Variants in GALNT9 observed in about 807,000 individuals in gnomAD.
GALNT9 encodes polypeptide N-acetylgalactosaminyltransferase 9.
In GALNT9, 47 loss-of-function variants were observed where a neutral mutation model predicts 63.1. The observed-to-expected ratio is 0.75, with a 90% CI of 0.59 to 0.95. The LOEUF (loss-of-function observed/expected upper bound fraction) is 0.95, where lower values mean the gene tolerates loss of function less well. GALNT9 is among the 40% of genes least tolerant of loss of function. GALNT9 has a pLI of 0.00. For synonymous variants in GALNT9, 396 were observed against 365.7 expected (o/e 1.08, Z -0.94); for missense variants, 829 against 874.8 (o/e 0.95, Z 0.66).
At chr12:132,220,944 G>A (rs147130091) in intron 6 of GALNT9, among the ~76,000 whole-genome samples, 210 of 150,400 alleles carry the variant, frequency 1.4e-3, no homozygotes, top group Non-Finnish European at 2.5e-3. Flanking sequence ...GTAATCCCAG[G>A]TACTCGGGAG....
intron 5 of GALNT9, among the ~76,000 whole-genome samples, chr12:132,257,364 G>A (rs868996384): frequency 2.0e-4 from 30 of 151,844 alleles, no homozygotes; most frequent in East Asian, 1.4e-3. Context: ...CCCAGCACCC[G>A]GCCCGACACT....
At chr12:132,202,168 A>C (rs1398986005) in intron 7 of GALNT9, among the ~76,000 whole-genome samples, 2 of 152,232 alleles carry the variant, frequency 1.3e-5, no homozygotes, top group African/African-American at 4.8e-5. Flanking sequence ...TTAATCAGCC[A>C]AGGGGCTCAC....
chr12:132,306,438 G>T (rs1459054898), intron 1 of GALNT9, among the ~76,000 whole-genome samples: 1 of 152,228 alleles, frequency 6.6e-6, no homozygotes, highest in Non-Finnish European at 1.5e-5. Flanking sequence ...GCCTGTTGGG[G>T]GTGGTTCTCC....
At chr12:132,255,395 G>A (rs1879070646) in intron 5 of GALNT9, among the ~76,000 whole-genome samples, 1 of 152,202 alleles carries the variant, frequency 6.6e-6, no homozygotes, top group Admixed American at 6.5e-5. Context: ...ATTCTGTAGA[G>A]ACTTCCCTTT....
intron 10 of GALNT9, 113 bp downstream of exon 10, chr12:132,197,679 C>CT: frequency 1.2e-6 from 1 of 809,848 alleles, no homozygotes; most frequent in South Asian, 1.7e-5. Flanking sequence ...TGACCACCCC[C>CT]TGCCGCACTC....
chr12:132,311,226 T>C (rs1236944149), intron 1 of GALNT9, among the ~76,000 whole-genome samples: 2 of 152,158 alleles, frequency 1.3e-5, no homozygotes, highest in African/African-American at 4.8e-5. Flanking sequence ...TACTGTGACT[T>C]TGACATTTCA....
chr12:132,286,093 C>A lies in GALNT9; in HGVS notation c.419+157G>T, dbSNP rs1394261088. ...TCCCGGCCAGCGTGGGGGGCGGTCA[C>A]TTCCCCGGCGGGCGTGGGGGGCGGT... On this transcript the variant is annotated intron_variant, in intron 2 of 10. Transcript: ENST00000328957. The surrounding 1 kb of genome is among the most constrained non-coding windows in gnomAD (Gnocchi z 7.4). Among the ~76,000 whole-genome samples the A allele has an allele frequency of 6.7e-6, 1 of 149,926 alleles. No individual in the cohort carries two copies. The highest frequency in any genetic ancestry group is 1.5e-5 in the Non-Finnish European group (1 of 66,538).
intron 1 of GALNT9, among the ~76,000 whole-genome samples, chr12:132,305,011 A>G (rs1432352754): frequency 5.0e-5 from 1 of 19,946 alleles, no homozygotes; most frequent in Non-Finnish European, 9.0e-5. Flanking sequence ...GCACATCCTC[A>G]CCGGGGCACA....
chr12:132,279,725 GAGA>G lies in GALNT9; in HGVS notation c.419+6522_419+6524del, dbSNP rs782531577. On this transcript the variant is annotated intron_variant, in intron 2 of 10. Coordinates refer to ENST00000328957, the MANE Select transcript of GALNT9 (RefSeq NM_001122636.2). The surrounding 1 kb of genome is among the most constrained non-coding windows in gnomAD (Gnocchi z 4.1). ...CACCCCTGTCCCTTCAGGCCGTGGG[GAGA>G]AGAACATCCCAGTGCGGTCACTTCC... 2.0e-5 allele frequency: 3 copies of G among 152,356 alleles called. No individual in the cohort carries two copies. The highest frequency in any genetic ancestry group is 4.4e-5 in the Non-Finnish European group (3 of 68,140). 9.4% of individuals were successfully genotyped at this position (152,356 alleles called of 1,614,324 possible). A position where few individuals can be genotyped will look rare whatever the true frequency, so the allele number is the denominator to read the frequency against.
At chr12:132,223,159 A>T (rs1298080043) in intron 6 of GALNT9, among the ~76,000 whole-genome samples, 13 of 66,638 alleles carry the variant, frequency 2.0e-4, no homozygotes, top group Non-Finnish European at 2.5e-4. Flanking sequence ...CACAACCCAC[A>T]CACCACACAA....
At position 132,237,798 on chromosome 12, in the gene GALNT9, G is replaced by A. The variant is rs143892070; in HGVS notation, c.1077+10112C>T. 2.2e-3 allele frequency among the ~76,000 whole-genome samples: 339 copies of A among 152,326 alleles called. No individual in the cohort carries two copies. In the Middle Eastern group the frequency reaches 0.027, roughly 12 times the overall value. ...CACCACGTGGCATGGAAGCAAGCCC[G>A]GGACAGCGCTTGACCCGAGCGGACA... is the stretch of plus-strand genomic sequence containing the variant. On this transcript the variant is annotated intron_variant, in intron 6 of 10. Transcript: ENST00000328957.
rs1555239882 is a variant in GALNT9, at chr12:132,262,609, A to G, written c.436T>C (p.Tyr146His). ...YRPRKCRQMS[Y>H]AQDLPQVSVV... The stretch of plus-strand genomic sequence containing the variant: ...GAGACCTGGGGCAGGTCCTGGGCGT[A>G]GCTCATCTGTCTGCACCTGCAGGAA... The change falls in exon 3 of 11, where the codon TAC becomes CAC. Residue 146 changes from tyrosine to histidine, a missense_variant. Coordinates refer to ENST00000328957, the MANE Select transcript of GALNT9 (RefSeq NM_001122636.2). 3 of 1,547,866 alleles carry G rather than the reference A, an allele frequency of 1.9e-6. No homozygotes were observed. Among genetic ancestry groups the G allele is most frequent in the African/African-American group, 2.8e-5 (2 of 70,994 alleles).
At chr12:132,197,752 C>CCCCCCCCCAACCCA in intron 10 of GALNT9, 40 bp downstream of exon 10, 3 of 1,311,038 alleles carry the variant, frequency 2.3e-6, no homozygotes, top group East Asian at 2.5e-5. Context: ...GCAGCCCTGC[C>CCCCCCCCCAACCCA]CCGCCCCAAC....
At chr12:132,291,677 T>C (rs114783707) in intron 1 of GALNT9, among the ~76,000 whole-genome samples, 6 of 79,968 alleles carry the variant, frequency 7.5e-5, no homozygotes, top group South Asian at 7.4e-4. Context: ...ACATCCACGG[T>C]GCCCACATCC....
intron 1 of GALNT9, among the ~76,000 whole-genome samples, chr12:132,304,431 C>A (rs1881475216): frequency 1.8e-5 from 1 of 54,972 alleles, no homozygotes. Flanking sequence ...CCGGGCACAG[C>A]CTCGCCCGGG....
At chr12:132,328,578 G>C (rs920430793) in intron 1 of GALNT9, among the ~76,000 whole-genome samples, 25 of 152,114 alleles carry the variant, frequency 1.6e-4, no homozygotes, top group Non-Finnish European at 3.2e-4. Flanking sequence ...TGGAGGGGTC[G>C]GCGCAGCCTA....
chr12:132,324,238 T>G (rs542321570), intron 1 of GALNT9, among the ~76,000 whole-genome samples: 1 of 152,176 alleles, frequency 6.6e-6, no homozygotes, highest in African/African-American at 2.4e-5. Context: ...AGGGAGAGTG[T>G]GCCGGAGCCG....
intron 6 of GALNT9, among the ~76,000 whole-genome samples, chr12:132,228,086 C>G (rs1214682525): frequency 6.6e-6 from 1 of 152,078 alleles, no homozygotes; most frequent in Non-Finnish European, 1.5e-5. Context: ...ATGTGCCGCC[C>G]CAGCAGGGGT....
chr12:132,306,787 C>A (rs1229064280), intron 1 of GALNT9, among the ~76,000 whole-genome samples: 1 of 152,190 alleles, frequency 6.6e-6, no homozygotes, highest in Non-Finnish European at 1.5e-5. Flanking sequence ...ATCATCACTG[C>A]GGTAATGGAA....
Sources: gnomAD v4.1 joint callset for allele counts (sites outside exome capture counted in the v4.1 genomes callset) on GRCh38, gnomAD v4.1.1 for gene constraint, Gnocchi (gnomAD v3.1) non-coding constraint, MANE v1.5 for transcripts, NCBI Gene and HGNC (gene_info 2026-07-23, HGNC 2026-07-21) for gene names.